The following MUC21 variants were observed in gnomAD, a reference collection of about 807,000 sequenced individuals.
The protein encoded by MUC21 is mucin-21.
MUC21 carries 8 observed loss-of-function variants against 9.1 expected under a neutral mutation model. The ratio of observed to expected loss-of-function variants is 0.88; its 90% CI spans 0.52 to 1.59. The LOEUF (loss-of-function observed/expected upper bound fraction) is 1.59, where lower values mean the gene tolerates loss of function less well. MUC21 is among the 40% of genes most tolerant of loss of function. The pLI is 0.00. For synonymous variants in MUC21, 189 were observed against 275.2 expected (o/e 0.69, Z 3.10); for missense variants, 478 against 694.2 (o/e 0.69, Z 3.50).
chr6:30,985,778 TTTTTTTA>T (rs1436460047), intron 1 of MUC21, among the ~76,000 whole-genome samples: 2 of 152,132 alleles, frequency 1.3e-5, no homozygotes, highest in Non-Finnish European at 2.9e-5. Context: ...AGTGTCAACT[TTTTTTTA>T]TTTTTTATTT....
chr6:30,984,201 T>C, intron 1 of MUC21, 182 bp downstream of exon 1: 1 of 545,864 alleles, frequency 1.8e-6, no homozygotes, highest in Non-Finnish European at 3.3e-6. Flanking sequence ...GTGGTTAAAA[T>C]TGGGCTCTGG....
chr6:30,984,279 C>T (rs546865146), intron 1 of MUC21: 119 of 403,126 alleles, frequency 3.0e-4, no homozygotes, highest in Non-Finnish European at 2.5e-4. Context: ...AGTTGCTTCT[C>T]TGCGCCTCGA....
In MUC21 at chr6:30,983,915, C is replaced by T. The variant is rs776855351; in HGVS notation, c.-44C>T. 5.2e-6 allele frequency: 4 copies of T among 772,886 alleles called. No individual in the cohort carries two copies. The highest frequency in any genetic ancestry group is 5.1e-5 in the African/African-American group (3 of 58,678). 47.9% of individuals were successfully genotyped at this position (772,886 alleles called of 1,614,324 possible). A position where few individuals can be genotyped will look rare whatever the true frequency, so the allele number is the denominator to read the frequency against. The stretch of plus-strand genomic sequence containing the variant: ...TTCTTTGCCCTCTAAAGTCTTGGTA[C>T]ATCTAGGACCCAGGCATCTTGCTTT... On this transcript the variant is annotated 5_prime_UTR_variant, in exon 1 of 3. Coordinates refer to ENST00000376296, the MANE Select transcript of MUC21 (RefSeq NM_001010909.5).
rs9257008 is a variant in MUC21, at chr6:30,984,996, CAATAAAATAAAATAA to C, written c.61+1007_61+1021del. On this transcript the variant is annotated intron_variant, in intron 1 of 2. Coordinates refer to ENST00000376296, the MANE Select transcript of MUC21 (RefSeq NM_001010909.5). ...TCTCAAAAACAAATAAATAAATAAG[CAATAAAATAAAATAA>C]AATAAAATAAAATAAAATAAAATAA... Among the ~76,000 whole-genome samples the C allele has an allele frequency of 2.0e-3, 279 of 142,904 alleles. 7 individuals are homozygous for C. The South Asian group carries it at 0.037, about 19-fold the overall frequency. The allele number at this position is 142,904 out of a possible 152,430, so 93.8% of individuals were successfully genotyped here.
Position 30,988,304 on chromosome 6 carries a change from T to A in MUC21, c.*110T>A. 9.7e-7 allele frequency: 1 copy of A among 1,029,286 alleles called. No homozygotes were observed. The highest frequency in any genetic ancestry group is 1.4e-6 in the Non-Finnish European group (1 of 725,214). The allele number at this position is 1,029,286 out of a possible 1,614,324, so 63.8% of individuals were successfully genotyped here. A position where few individuals can be genotyped will look rare whatever the true frequency, so the allele number is the denominator to read the frequency against. On this transcript the variant is annotated 3_prime_UTR_variant, in exon 3 of 3. Coordinates refer to ENST00000376296, the MANE Select transcript of MUC21 (RefSeq NM_001010909.5). ...AGACCCCTCCCAGCTTTGTTTGAGA[T>A]CCTGAAAATCTTGAAGAAGGTATTC...
chr6:30,986,307 A>G lies in MUC21; in HGVS notation c.132A>G (p.Thr44=). Reference sequence around the variant, plus strand: ...GTGTGATCTCCAGTGGAGCCAGCACAGCCACCAACTCTGGGTCCAGTGTGA... The same window carrying G: ...GTGTGATCTCCAGTGGAGCCAGCACGGCCACCAACTCTGGGTCCAGTGTGA... ...GSSVISSGAS[T]ATNSGSSVTS... The change falls in exon 2 of 3, where the codon ACA becomes ACG. Residue 44 remains threonine, a synonymous_variant. Coordinates refer to ENST00000376296, the MANE Select transcript of MUC21 (RefSeq NM_001010909.5). 6.2e-7 allele frequency: 1 copy of G among 1,613,790 alleles called. No homozygotes were observed. Among genetic ancestry groups the G allele is most frequent in the South Asian group, 1.1e-5 (1 of 91,066 alleles).
Position 30,986,325 on chromosome 6 carries a change from C to T in MUC21, c.150C>T (p.Ser50=). The change falls in exon 2 of 3, where the codon TCC becomes TCT. Residue 50 remains serine, a synonymous_variant. Coordinates refer to ENST00000376296, the MANE Select transcript of MUC21 (RefSeq NM_001010909.5). ...SGASTATNSG[S]SVTSSGVSTA... Reference sequence around the variant, plus strand: ...CCAGCACAGCCACCAACTCTGGGTCCAGTGTGACCTCCAGTGGGGTCAGCA... The same window carrying T: ...CCAGCACAGCCACCAACTCTGGGTCTAGTGTGACCTCCAGTGGGGTCAGCA... The T allele has an allele frequency of 6.2e-7, 1 of 1,613,416 alleles. No individual in the cohort carries two copies. Among genetic ancestry groups the T allele is most frequent in the African/African-American group, 1.3e-5 (1 of 75,022 alleles).
intron 1 of MUC21, 105 bp from the exon 2 acceptor site, chr6:30,986,132 A>G (rs899577368): frequency 1.2e-5 from 12 of 974,584 alleles, no homozygotes; most frequent in Admixed American, 5.5e-5. Context: ...TCTATGTTAT[A>G]GCACCATAGT....
In MUC21 at chr6:30,986,395, A is replaced by C. The variant is rs1390293594; in HGVS notation, c.220A>C (p.Ile74Leu). 1.9e-6 allele frequency: 3 copies of C among 1,612,818 alleles called. No homozygotes were observed. The highest frequency in any genetic ancestry group is 2.5e-6 in the Non-Finnish European group (3 of 1,179,416). ...CAGCGTGACCTCCAATGGGGTCAGC[A>C]TAGTCACCAACTCTGAGTTCCATAC... The part of the protein sequence containing the change: ...GSSVTSNGVS[I>L]VTNSEFHTTS... The change falls in exon 2 of 3, where the codon ATA becomes CTA. Residue 74 changes from isoleucine to leucine, a missense_variant. By Grantham distance (5) the Ile-to-Leu change is conservative. Coordinates refer to ENST00000376296, the MANE Select transcript of MUC21 (RefSeq NM_001010909.5).
rs1239799011 is a variant in MUC21 at position 30,987,333 on chromosome 6, G to T, written c.1158G>T (p.Gly386=). Residue 386 remains glycine, a synonymous_variant, in exon 2 of 3, where the codon GGG becomes GGT. Coordinates refer to ENST00000376296, the MANE Select transcript of MUC21 (RefSeq NM_001010909.5). Reference sequence around the variant, plus strand: ...CTGAGTCCAGCACAGTGTCCAGTGGGGCCAGCACAGCCACCACCTCTGAGT... The same window carrying T: ...CTGAGTCCAGCACAGTGTCCAGTGGTGCCAGCACAGCCACCACCTCTGAGT... The part of the protein sequence containing the change: ...TNSESSTVSS[G]ASTATTSESS... 1.1e-5 allele frequency: 18 copies of T among 1,569,752 alleles called. 2 individuals carry two copies. The highest frequency in any genetic ancestry group is 1.5e-5 in the Non-Finnish European group (17 of 1,153,414).
At position 30,988,891 on chromosome 6, in the gene MUC21, ACACT is replaced by A. The variant is rs916160132; in HGVS notation, c.*700_*703del. 7.9e-5 allele frequency: 12 copies of A among 152,056 alleles called. No homozygotes were observed. The highest frequency in any genetic ancestry group is 2.7e-4 in the African/African-American group (11 of 41,366). The allele number at this position is 152,056 out of a possible 1,614,324, so 9.4% of individuals were successfully genotyped here. A position where few individuals can be genotyped will look rare whatever the true frequency, so the allele number is the denominator to read the frequency against. On this transcript the variant is annotated 3_prime_UTR_variant, in exon 3 of 3. Transcript: ENST00000376296. ...ACCCATCAGGGTGGAGGAGCTGGTG[ACACT>A]CATCTCCCTGAGTGCTCCCTGGTTT...
In MUC21 at chr6:30,986,511, A is replaced by ATGTG. The variant is rs1562529176; in HGVS notation, c.336_337insTGTG (p.Thr113CysfsTer13). ...TAGCCACCAACTCTGAGTCCAGCAC[A>ATGTG]ACCTCCAGTGGGGCCAGCACAGCCA... On this transcript the variant is annotated frameshift_variant, in exon 2 of 3. Coordinates refer to ENST00000376296, the MANE Select transcript of MUC21 (RefSeq NM_001010909.5). LOFTEE classifies it high-confidence loss of function. The ATGTG allele has an allele frequency of 6.3e-7, 1 of 1,599,618 alleles. No homozygotes were observed. Among genetic ancestry groups the ATGTG allele is most frequent in the African/African-American group, 1.4e-5 (1 of 72,590 alleles).
intron 2 of MUC21, 64 bp from the exon 3 acceptor site, chr6:30,987,936 G>A (rs932103969): frequency 1.2e-5 from 12 of 987,482 alleles, no homozygotes; most frequent in South Asian, 9.0e-5. Context: ...TCCAGAAGGC[G>A]TACGTGGTAA....
At chr6:30,985,927 G>A (rs1450519264) in intron 1 of MUC21, among the ~76,000 whole-genome samples, 3 of 151,954 alleles carry the variant, frequency 2.0e-5, no homozygotes, top group South Asian at 2.1e-4. Flanking sequence ...ATTAATGCCC[G>A]GCTAATTTTG....
Position 30,986,727 on chromosome 6 carries a change from G to A in MUC21, c.552G>A (p.Glu184=), listed in dbSNP as rs200661879. The A allele has an allele frequency of 1.0e-5, 16 of 1,561,668 alleles. No homozygotes were observed. The highest frequency in any genetic ancestry group is 1.8e-5 in the Admixed American group (1 of 54,206). The change falls in exon 2 of 3, where the codon GAG becomes GAA. Residue 184 remains glutamate (E), a synonymous_variant. Coordinates refer to ENST00000376296, the MANE Select transcript of MUC21 (RefSeq NM_001010909.5). ...GGGCCAGCACAGCCACCAACTCTGA[G>A]TCCAGCACAGTGTCCAGTAGGGCCA... ...SSGASTATNS[E]SSTVSSRAST...
rs778258131 is a variant in MUC21 at position 30,986,941 on chromosome 6, A to T, written c.766A>T (p.Thr256Ser). 2 of 1,562,344 alleles carry T rather than the reference A, an allele frequency of 1.3e-6. No individual in the cohort carries two copies. Among genetic ancestry groups the T allele is most frequent in the African/African-American group, 2.8e-5 (2 of 71,398 alleles). Reference sequence around the variant, plus strand: ...ACCCTCCAGTGGGGCCGGCACAGCCACCAACTCTGAGTCCAGCACGACCTC... The same window carrying T: ...ACCCTCCAGTGGGGCCGGCACAGCCTCCAACTCTGAGTCCAGCACGACCTC... ...STPSSGAGTA[T>S]NSESSTTSSG... is the part of the protein sequence containing the mutation. Residue 256 changes from threonine to serine, a missense_variant, in exon 2 of 3, where the codon ACC (threonine) becomes TCC (serine). Physicochemically the swap from Thr to Ser is moderately conservative, Grantham distance 58. Coordinates refer to ENST00000376296, the MANE Select transcript of MUC21 (RefSeq NM_001010909.5).
In MUC21 at chr6:30,988,278, G is replaced by A. The variant is rs1328217759; in HGVS notation, c.*84G>A. The A allele has an allele frequency of 2.3e-6, 3 of 1,307,248 alleles. No homozygotes were observed. Among genetic ancestry groups the A allele is most frequent in the African/African-American group, 3.0e-5 (2 of 67,166 alleles). The allele number at this position is 1,307,248 out of a possible 1,614,324, so 81.0% of individuals were successfully genotyped here. A position where few individuals can be genotyped will look rare whatever the true frequency, so the allele number is the denominator to read the frequency against. Reference sequence around the variant, plus strand: ...CCTGGTTTCCTTTCATTCATCCCAGGAGACCCCTCCCAGCTTTGTTTGAGA... The same window carrying A: ...CCTGGTTTCCTTTCATTCATCCCAGAAGACCCCTCCCAGCTTTGTTTGAGA... On this transcript the variant is annotated 3_prime_UTR_variant, in exon 3 of 3. Transcript: ENST00000376296.
chr6:30,985,818 G>A (rs966881051), intron 1 of MUC21, among the ~76,000 whole-genome samples: 2 of 152,012 alleles, frequency 1.3e-5, no homozygotes, highest in African/African-American at 2.4e-5. Context: ...TTTGCTCTTG[G>A]CACCCAGGCT....
In MUC21 at chr6:30,983,921, G is replaced by A. The variant is rs1178477039; in HGVS notation, c.-38G>A. The A allele has an allele frequency of 1.3e-6, 1 of 777,860 alleles. No homozygotes were observed. The highest frequency in any genetic ancestry group is 1.7e-5 in the African/African-American group (1 of 59,132). The allele number at this position is 777,860 out of a possible 1,614,324, so 48.2% of individuals were successfully genotyped here. A position where few individuals can be genotyped will look rare whatever the true frequency, so the allele number is the denominator to read the frequency against. On this transcript the variant is annotated 5_prime_UTR_variant, in exon 1 of 3. Transcript: ENST00000376296. ...GCCCTCTAAAGTCTTGGTACATCTA[G>A]GACCCAGGCATCTTGCTTTCCAGCC...
Sources: gnomAD v4.1 joint callset for allele counts (sites outside exome capture counted in the v4.1 genomes callset) on GRCh38, gnomAD v4.1.1 for gene constraint, MANE v1.5 for transcripts, NCBI Gene and HGNC (gene_info 2026-07-23, HGNC 2026-07-21) for gene names.